ANKRD13C: variants seen among roughly 807,000 people sequenced by gnomAD.
ANKRD13C encodes the protein ankyrin repeat domain 13C, also known as ankyrin repeat domain-containing protein 13C.
ANKRD13C carries 16 observed loss-of-function variants against 65.5 expected under a neutral mutation model. The observed-to-expected ratio is 0.24, with a 90% confidence interval of 0.17 to 0.37. The LOEUF is 0.37. Among genes scored for constraint, ANKRD13C ranks in the 10% least tolerant of loss-of-function variants. The pLI is 1.00. For synonymous variants in ANKRD13C, 235 were observed against 238.7 expected (o/e 0.98, Z 0.14); for missense variants, 503 against 655.9 (o/e 0.77, Z 2.55).
intron 3 of ANKRD13C, among the ~76,000 whole-genome samples, chr1:70,323,073 C>T (rs1407237171): frequency 6.6e-6 from 1 of 152,090 alleles, no homozygotes; most frequent in Admixed American, 6.5e-5. Flanking sequence ...CCTCTCCATT[C>T]TGTTAATTAG....
chr1:70,268,031 T>C (rs1018646363), intron 12 of ANKRD13C, among the ~76,000 whole-genome samples: 5 of 152,152 alleles, frequency 3.3e-5, no homozygotes, highest in Non-Finnish European at 7.4e-5. Flanking sequence ...GAATTACAGG[T>C]GCTTTTTTGT....
At chr1:70,320,304 A>C (rs1681250381) in intron 3 of ANKRD13C, among the ~76,000 whole-genome samples, 1 of 152,170 alleles carries the variant, frequency 6.6e-6, no homozygotes, top group Non-Finnish European at 1.5e-5. Flanking sequence ...ACGAAACTAA[A>C]ATATAACAAA....
chr1:70,346,535 T>C (rs1441000412), intron 1 of ANKRD13C, among the ~76,000 whole-genome samples: 1 of 152,040 alleles, frequency 6.6e-6, no homozygotes, highest in East Asian at 1.9e-4. Flanking sequence ...AAGCAGGAAA[T>C]TGCAAGTACT....
At chr1:70,310,265 G>C (rs766729481) in intron 5 of ANKRD13C, among the ~76,000 whole-genome samples, 1 of 151,950 alleles carries the variant, frequency 6.6e-6, no homozygotes, top group African/African-American at 2.4e-5. Flanking sequence ...CTTATTTTTC[G>C]CTTGCTTTTT....
chr1:70,338,334 GCA>G (rs1255272423), intron 1 of ANKRD13C, among the ~76,000 whole-genome samples: 1 of 152,116 alleles, frequency 6.6e-6, no homozygotes, highest in Non-Finnish European at 1.5e-5. Context: ...TCTCAGTAAA[GCA>G]CAGTTTTCAT....
At chr1:70,272,643 G>A (rs377313309) in intron 11 of ANKRD13C, among the ~76,000 whole-genome samples, 14 of 150,690 alleles carry the variant, frequency 9.3e-5, no homozygotes, top group Non-Finnish European at 1.9e-4. Flanking sequence ...AATTGATGAC[G>A]TCTTAATATT....
Position 70,354,521 on chromosome 1 carries a change from T to C in ANKRD13C, c.-113A>G, listed in dbSNP as rs1243610882. On this transcript the variant is annotated 5_prime_UTR_variant, in exon 1 of 13. The change abolishes an upstream ATG in the 5' untranslated region. Coordinates refer to ENST00000370944, the MANE Select transcript of ANKRD13C (RefSeq NM_030816.5). ...GTGGCCAAGAGCCTCCAGCGCAGCA[T>C]GAACTCCCACTGAGCCCCCGAGCCT... 4.1e-6 allele frequency: 6 copies of C among 1,450,636 alleles called. No homozygotes were observed. Among genetic ancestry groups the C allele is most frequent in the Non-Finnish European group, 5.4e-6 (6 of 1,107,260 alleles). 89.9% of individuals were successfully genotyped at this position (1,450,636 alleles called of 1,614,324 possible). A position where few individuals can be genotyped will look rare whatever the true frequency, so the allele number is the denominator to read the frequency against.
Position 70,276,645 on chromosome 1 carries a change from A to T in ANKRD13C, c.1295+120T>A, listed in dbSNP as rs536550694. On this transcript the variant is annotated intron_variant, in intron 10 of 12. Coordinates refer to ENST00000370944, the MANE Select transcript of ANKRD13C (RefSeq NM_030816.5). ...TTTTAAAAGGTAGAAGAATTGCTTC[A>T]GTCAAAAATATACCAATAATTCTCT... 494 of 812,394 alleles carry T rather than the reference A, an allele frequency of 6.1e-4. 3 individuals carry two copies. The African/African-American group carries it at 8.0e-3, about 13-fold the overall frequency. The allele number at this position is 812,394 out of a possible 1,614,324, so 50.3% of individuals were successfully genotyped here.
chr1:70,293,228 A>T (rs1469273546), intron 8 of ANKRD13C, among the ~76,000 whole-genome samples: 1 of 152,100 alleles, frequency 6.6e-6, no homozygotes, highest in Non-Finnish European at 1.5e-5. Flanking sequence ...AACCTTCAAC[A>T]TTAACTTTTA....
chr1:70,334,722 C>T (rs552864879), intron 2 of ANKRD13C, among the ~76,000 whole-genome samples: 114 of 151,808 alleles, frequency 7.5e-4, no homozygotes, highest in Non-Finnish European at 1.4e-3. Flanking sequence ...GTCGGGGGTT[C>T]GAGATCGGCC....
intron 7 of ANKRD13C, among the ~76,000 whole-genome samples, chr1:70,297,199 T>C (rs1163261514): frequency 4.0e-5 from 6 of 151,818 alleles, no homozygotes; most frequent in Non-Finnish European, 8.8e-5. Flanking sequence ...GAGCCTTCAT[T>C]CTCCAAACCT....
chr1:70,323,469 C>G (rs371386781), intron 3 of ANKRD13C, among the ~76,000 whole-genome samples: 100 of 151,836 alleles, frequency 6.6e-4, no homozygotes, highest in African/African-American at 2.4e-3. Context: ...ATGGTGAAAC[C>G]CCGTCTCTGC....
intron 12 of ANKRD13C, among the ~76,000 whole-genome samples, chr1:70,266,980 T>G (rs1405902403): frequency 5.9e-5 from 9 of 152,338 alleles, no homozygotes; most frequent in Middle Eastern, 3.4e-3. Flanking sequence ...ATCTACATCC[T>G]TGCAAATTTT....
intron 5 of ANKRD13C, 144 bp downstream of exon 5, chr1:70,313,601 C>G (rs992244111): frequency 8.7e-6 from 5 of 575,634 alleles, no homozygotes; most frequent in Admixed American, 2.9e-5. Context: ...GGCTTTATAA[C>G]GATTACAGTC....
Position 70,262,778 on chromosome 1 carries a change from C to A in ANKRD13C, c.1565G>T (p.Gly522Val). The A allele has an allele frequency of 6.2e-7, 1 of 1,613,436 alleles. No homozygotes were observed. Among genetic ancestry groups the A allele is most frequent in the East Asian group, 2.2e-5 (1 of 44,812 alleles). The change falls in exon 13 of 13, where the codon GGC becomes GTC. Residue 522 changes from glycine to valine, a missense_variant. This residue lies in a region of ANKRD13C where 300 missense variants were observed against 478.3 expected (regional missense o/e 0.63). Coordinates refer to ENST00000370944, the MANE Select transcript of ANKRD13C (RefSeq NM_030816.5). ...FQEFRYDEFD[G>V]SIFTIPDDYK... is the part of the protein sequence containing the mutation. ...GTCATCAGGTATAGTAAAGATGGAG[C>A]CATCAAATTCATCGTATCGAAACTC... is the stretch of plus-strand genomic sequence containing the variant.
At chr1:70,318,969 C>T (rs953186020) in intron 3 of ANKRD13C, among the ~76,000 whole-genome samples, 12 of 152,170 alleles carry the variant, frequency 7.9e-5, no homozygotes, top group Admixed American at 3.3e-4. Context: ...GCATGAGCCA[C>T]CACGCCCGGC....
intron 9 of ANKRD13C, among the ~76,000 whole-genome samples, chr1:70,288,982 C>T (rs1361141814): frequency 6.6e-6 from 1 of 152,084 alleles, no homozygotes; most frequent in Non-Finnish European, 1.5e-5. Context: ...TTAAAAAAAT[C>T]CAAACAGGCT....
intron 10 of ANKRD13C, among the ~76,000 whole-genome samples, chr1:70,275,961 CAAAAAAAAA>C (rs1209279880): frequency 2.7e-5 from 1 of 37,248 alleles, no homozygotes; most frequent in Non-Finnish European, 6.3e-5. Flanking sequence ...GACTCCATCT[CAAAAAAAAA>C]AAAAAAAAAA....
chr1:70,300,943 A>C (rs1477120080), intron 6 of ANKRD13C, 35 bp from the exon 7 acceptor site: 1 of 1,575,766 alleles, frequency 6.3e-7, no homozygotes, highest in Non-Finnish European at 8.6e-7. Flanking sequence ...ACTCTGACAA[A>C]TATAATTTTG....
Sources: gnomAD v4.1 joint callset for allele counts (sites outside exome capture counted in the v4.1 genomes callset) on GRCh38, gnomAD v4.1.1 for gene constraint, gnomAD v4.1.1 regional missense constraint, MANE v1.5 for transcripts, NCBI Gene and HGNC (gene_info 2026-07-23, HGNC 2026-07-21) for gene names.